SIPA1L1: variants seen among roughly 807,000 people sequenced by gnomAD.
The protein encoded by SIPA1L1 is signal induced proliferation associated 1 like 1, also known as signal-induced proliferation-associated 1-like protein 1.
In SIPA1L1, 26 loss-of-function variants were observed where a neutral mutation model predicts 162.7. The ratio of observed to expected loss-of-function variants is 0.16; its 90% confidence interval spans 0.12 to 0.22. The LOEUF is 0.22. Ranked by LOEUF, SIPA1L1 falls within the 10% of genes least tolerant of loss-of-function variation. The pLI is 1.00. For synonymous variants in SIPA1L1, 829 were observed against 837.4 expected (o/e 0.99, Z 0.17); for missense variants, 1,874 against 2,241.0 (o/e 0.84, Z 3.31).
intron 20 of SIPA1L1, among the ~76,000 whole-genome samples, chr14:71,732,396 C>A (rs1252085517): frequency 6.6e-6 from 1 of 152,050 alleles, no homozygotes; most frequent in Non-Finnish European, 1.5e-5. Context: ...GTGTGCTCTG[C>A]CCTGGCTTCC....
intron 17 of SIPA1L1, among the ~76,000 whole-genome samples, chr14:71,714,332 T>C (rs935034573): frequency 2.0e-5 from 3 of 152,214 alleles, no homozygotes; most frequent in Non-Finnish European, 4.4e-5. Context: ...CCACAGATGC[T>C]TGATGCAGAT....
intron 12 of SIPA1L1, among the ~76,000 whole-genome samples, chr14:71,679,098 A>G (rs1044774083): frequency 2.0e-5 from 3 of 151,892 alleles, no homozygotes; most frequent in African/African-American, 7.3e-5. Context: ...CCACAAAGAT[A>G]CTCCTCGAGA....
intron 2 of SIPA1L1, among the ~76,000 whole-genome samples, chr14:71,502,255 A>AATATATATATATATATATATAT (rs60241101): frequency 1.6e-4 from 16 of 97,548 alleles, no homozygotes; most frequent in African/African-American, 6.3e-4. Context: ...AAAAAAAAAA[A>AATATATATATATATATATATAT]ATATATATAT....
intron 2 of SIPA1L1, among the ~76,000 whole-genome samples, chr14:71,446,894 G>GTTTTTTGTTT (rs2045396968): frequency 1.1e-5 from 1 of 87,406 alleles, no homozygotes; most frequent in Non-Finnish European, 2.1e-5. Context: ...GATGGGCTCT[G>GTTTTTTGTTT]TTTTTTTTTT....
intron 13 of SIPA1L1, among the ~76,000 whole-genome samples, chr14:71,687,947 G>A (rs2080989576): frequency 6.6e-6 from 1 of 152,144 alleles, no homozygotes; most frequent in East Asian, 1.9e-4. Flanking sequence ...ACTAGACTAG[G>A]ATTTCAGATC....
At chr14:71,707,671 C>T (rs537859304) in intron 16 of SIPA1L1, among the ~76,000 whole-genome samples, 8 of 152,250 alleles carry the variant, frequency 5.3e-5, no homozygotes, top group South Asian at 2.1e-4. Context: ...TTCCATTTTA[C>T]GGATATACCC....
At chr14:71,576,037 T>G (rs1490752278) in intron 4 of SIPA1L1, among the ~76,000 whole-genome samples, 1 of 152,264 alleles carries the variant, frequency 6.6e-6, no homozygotes, top group Non-Finnish European at 1.5e-5. Flanking sequence ...CTATTTTAGC[T>G]GAAAGCACGT....
chr14:71,445,636 C>G (rs1043674929), intron 2 of SIPA1L1, among the ~76,000 whole-genome samples: 1 of 152,118 alleles, frequency 6.6e-6, no homozygotes, highest in African/African-American at 2.4e-5. Context: ...ACACAATTAT[C>G]TCTCAAATGT....
At chr14:71,728,440 T>C (rs1051959066) in intron 19 of SIPA1L1, among the ~76,000 whole-genome samples, 1 of 152,236 alleles carries the variant, frequency 6.6e-6, no homozygotes, top group Non-Finnish European at 1.5e-5. Context: ...GGAATTTTTT[T>C]AAAGTGAGAA....
At chr14:71,596,240 G>A (rs1168913837) in intron 5 of SIPA1L1, among the ~76,000 whole-genome samples, 2 of 152,202 alleles carry the variant, frequency 1.3e-5, no homozygotes, top group African/African-American at 2.4e-5. Flanking sequence ...TCAAAAATGA[G>A]CATTAGAGAA....
chr14:71,329,839 G>C (rs1469436860), intron 2 of SIPA1L1, among the ~76,000 whole-genome samples: 1 of 151,928 alleles, frequency 6.6e-6, no homozygotes, highest in Non-Finnish European at 1.5e-5. Context: ...ATATATTCTG[G>C]GTATATATTT....
intron 2 of SIPA1L1, among the ~76,000 whole-genome samples, chr14:71,450,037 C>G (rs2045697374): frequency 6.6e-6 from 1 of 151,968 alleles, no homozygotes; most frequent in African/African-American, 2.4e-5. Context: ...TTTAACAATG[C>G]AAACAGTAAA....
intron 4 of SIPA1L1, chr14:71,574,318 A>G (rs143320652): frequency 1.4e-3 from 212 of 152,960 alleles, no homozygotes; most frequent in Non-Finnish European, 2.5e-3. Context: ...TGTTCCAGCA[A>G]AAGTTACCAC....
intron 20 of SIPA1L1, among the ~76,000 whole-genome samples, chr14:71,731,920 G>C (rs993642939): frequency 1.1e-4 from 16 of 152,306 alleles, no homozygotes; most frequent in Middle Eastern, 3.4e-3. Flanking sequence ...CTTGCTTGGT[G>C]ACTTCCACTG....
At chr14:71,608,417 A>G (rs1254744789) in intron 5 of SIPA1L1, among the ~76,000 whole-genome samples, 1 of 152,144 alleles carries the variant, frequency 6.6e-6, no homozygotes, top group East Asian at 1.9e-4. Flanking sequence ...ATATAAGGAA[A>G]TTCATTTACA....
intron 5 of SIPA1L1, 107 bp from the exon 6 acceptor site, chr14:71,618,650 T>C: frequency 6.0e-6 from 6 of 1,007,976 alleles, no homozygotes; most frequent in Non-Finnish European, 8.7e-6. Flanking sequence ...ATGTTTACAT[T>C]TTATTGATAA....
intron 17 of SIPA1L1, among the ~76,000 whole-genome samples, 199 bp downstream of exon 17, chr14:71,709,863 T>C (rs2082735227): frequency 6.6e-6 from 1 of 152,266 alleles, no homozygotes; most frequent in African/African-American, 2.4e-5. Context: ...TTTTAAACTG[T>C]GAGAAAATTT....
chr14:71,606,727 A>G (rs992136427), intron 5 of SIPA1L1, among the ~76,000 whole-genome samples: 5 of 152,034 alleles, frequency 3.3e-5, no homozygotes, highest in African/African-American at 1.2e-4. Context: ...CACGCTCCCA[A>G]CCGGTCCCAA....
At chr14:71,729,391 A>G (rs548770702) in intron 19 of SIPA1L1, among the ~76,000 whole-genome samples, 1 of 152,334 alleles carries the variant, frequency 6.6e-6, no homozygotes, top group Non-Finnish European at 1.5e-5. Context: ...AATTTTCTCC[A>G]AAACTCATGA....
Sources: allele counts gnomAD v4.1 joint callset (sites outside exome capture counted in the v4.1 genomes callset), GRCh38; gene constraint gnomAD v4.1.1; transcripts MANE v1.5; gene names NCBI Gene and HGNC (gene_info 2026-07-23, HGNC 2026-07-21).